The following AK5 variants were observed in gnomAD, a reference collection of about 807,000 sequenced individuals.
AK5 encodes adenylate kinase isoenzyme 5.
AK5 carries 27 observed loss-of-function variants against 69.5 expected under a neutral mutation model. The ratio of observed to expected loss-of-function variants is 0.39; its 90% confidence interval spans 0.29 to 0.54. The LOEUF (loss-of-function observed/expected upper bound fraction) is 0.54. Among genes scored for constraint, AK5 ranks in the 20% least tolerant of loss-of-function variants. The pLI is 0.71. For synonymous variants in AK5, 260 were observed against 244.4 expected (o/e 1.06, Z -0.60); for missense variants, 531 against 700.4 (o/e 0.76, Z 2.73).
In AK5 at chr1:77,499,161, A is replaced by G. The variant is rs116263628; in HGVS notation, c.1147+12809A>G. ...GTGACTATTTTGGCCCTCCAAATGT[A>G]ACACTCACAAAGTATTTCCTTTCCA... On this transcript the variant is annotated intron_variant, in intron 10 of 13. Coordinates refer to ENST00000354567, the MANE Select transcript of AK5 (RefSeq NM_174858.3). Among the ~76,000 whole-genome samples, 923 of 152,344 alleles carry G rather than the reference A, an allele frequency of 6.1e-3. 15 individuals are homozygous for G. The highest frequency in any genetic ancestry group is 0.021 in the African/African-American group (871 of 41,578).
Position 77,289,372 on chromosome 1 carries a change from G to A in AK5, c.247+2245G>A, listed in dbSNP as rs61784594. Among the ~76,000 whole-genome samples, 1,254 of 152,218 alleles carry A rather than the reference G, an allele frequency of 8.2e-3. 11 individuals are homozygous for A. The highest frequency in any genetic ancestry group is 0.014 in the Middle Eastern group (4 of 294). On this transcript the variant is annotated intron_variant, in intron 2 of 13. Coordinates refer to ENST00000354567, the MANE Select transcript of AK5 (RefSeq NM_174858.3). ...GTTCATACACATCCCCAGCATATGGGAAGCTTACTTCCCAGGGTGTCGTCA... is the reference window on the plus strand; with the variant it reads ...GTTCATACACATCCCCAGCATATGGAAAGCTTACTTCCCAGGGTGTCGTCA...
At chr1:77,391,447 G>A (rs6670567) in intron 6 of AK5, among the ~76,000 whole-genome samples, 11,217 of 93,470 alleles carry the variant, frequency 0.12, 686 homozygotes, top group East Asian at 0.31. Flanking sequence ...ATACATATAT[G>A]TGTGTGTATA....
At chr1:77,366,006 C>T (rs2100450425) in intron 6 of AK5, among the ~76,000 whole-genome samples, 1 of 152,216 alleles carries the variant, frequency 6.6e-6, no homozygotes, top group African/African-American at 2.4e-5. Context: ...CACTAAAGAA[C>T]TTATCCATGT....
At chr1:77,312,544 G>T (rs1660017156) in intron 5 of AK5, among the ~76,000 whole-genome samples, 1 of 151,306 alleles carries the variant, frequency 6.6e-6, no homozygotes. Flanking sequence ...GAAGCCAGGA[G>T]GCGGAGGTTG....
chr1:77,391,564 A>C (rs1464620740), intron 6 of AK5, among the ~76,000 whole-genome samples: 1 of 144,076 alleles, frequency 6.9e-6, no homozygotes, highest in Non-Finnish European at 1.5e-5. Context: ...TATCCATCCC[A>C]AGTGTTCAAT....
chr1:77,533,185 A>G lies in AK5; in HGVS notation c.1429-2662A>G, dbSNP rs574587645. ...GCTTGTCAGAGTAGCTTCTCAAACT[A>G]TGATGCTGTGAAGACTCACTTAGGG... On this transcript the variant is annotated intron_variant, in intron 12 of 13. Transcript: ENST00000354567. Among the ~76,000 whole-genome samples the G allele has an allele frequency of 7.0e-4, 106 of 152,154 alleles. 2 individuals carry two copies. The South Asian group carries it at 0.022, about 31-fold the overall frequency.
At chr1:77,435,751 G>GA (rs1651920716) in intron 8 of AK5, among the ~76,000 whole-genome samples, 1 of 151,774 alleles carries the variant, frequency 6.6e-6, no homozygotes, top group African/African-American at 2.4e-5. Flanking sequence ...AGTACTTCAA[G>GA]AAAACTCTGT....
chr1:77,329,116 C>T (rs918153140), intron 5 of AK5, among the ~76,000 whole-genome samples: 14 of 148,634 alleles, frequency 9.4e-5, no homozygotes, highest in Non-Finnish European at 3.0e-5. Flanking sequence ...CAAACAATAA[C>T]AGATGGAGCG....
In AK5 at chr1:77,368,245, A is replaced by ATATATATATATGTTATATATGT. The variant is rs376578923; in HGVS notation, c.891+27685_891+27686insTATGTTATATATGTTATATATA. Among the ~76,000 whole-genome samples, 9 of 67,906 alleles carry ATATATATATATGTTATATATGT rather than the reference A, an allele frequency of 1.3e-4. 1 individual carries two copies. The highest frequency in any genetic ancestry group is 1.7e-4 in the Non-Finnish European group (6 of 35,050). The allele number at this position is 67,906 out of a possible 152,430, so 44.5% of individuals were successfully genotyped here. On this transcript the variant is annotated intron_variant, in intron 6 of 13. Coordinates refer to ENST00000354567, the MANE Select transcript of AK5 (RefSeq NM_174858.3). The stretch of plus-strand genomic sequence containing the variant: ...TATATATATATATATATATATATAT[A>ATATATATATATGTTATATATGT]TATATATAATATATATGTTATATAT...
intron 8 of AK5, among the ~76,000 whole-genome samples, chr1:77,475,716 G>A (rs1346649089): frequency 1.3e-5 from 2 of 151,338 alleles, no homozygotes; most frequent in African/African-American, 4.9e-5. Flanking sequence ...AAACAAAGAG[G>A]TAAAGGTCAA....
chr1:77,306,609 T>A (rs1659659542), intron 5 of AK5, among the ~76,000 whole-genome samples: 1 of 151,886 alleles, frequency 6.6e-6, no homozygotes, highest in Non-Finnish European at 1.5e-5. Context: ...TAATACTGGC[T>A]TCATAAAATG....
intron 10 of AK5, among the ~76,000 whole-genome samples, chr1:77,488,729 C>G (rs1192529870): frequency 6.6e-6 from 1 of 152,098 alleles, no homozygotes; most frequent in Non-Finnish European, 1.5e-5. Context: ...CCAGTCTCTC[C>G]TTTTCACATG....
At position 77,391,414 on chromosome 1, in the gene AK5, T is replaced by C. The variant is rs574730825; in HGVS notation, c.892-19567T>C. 3.9e-3 allele frequency among the ~76,000 whole-genome samples: 509 copies of C among 129,052 alleles called. 1 individual carries two copies. Among genetic ancestry groups the C allele is most frequent in the East Asian group, 0.028 (128 of 4,546 alleles). The allele number at this position is 129,052 out of a possible 152,430, so 84.7% of individuals were successfully genotyped here. A position where few individuals can be genotyped will look rare whatever the true frequency, so the allele number is the denominator to read the frequency against. ...AAATATATATATATATACACACACA[T>C]ATATATGTATATATATACATATATA... On this transcript the variant is annotated intron_variant, in intron 6 of 13. Transcript: ENST00000354567.
chr1:77,382,902 T>C (rs1343896032), intron 6 of AK5, among the ~76,000 whole-genome samples: 2 of 152,328 alleles, frequency 1.3e-5, no homozygotes, highest in African/African-American at 4.8e-5. Flanking sequence ...GCCTAAATCC[T>C]GCCAAGTTGA....
intron 6 of AK5, among the ~76,000 whole-genome samples, chr1:77,409,822 G>A (rs1473993666): frequency 1.3e-5 from 2 of 152,086 alleles, no homozygotes; most frequent in Admixed American, 1.3e-4. Context: ...GCCCATTCCT[G>A]TGTCCAGGAT....
intron 10 of AK5, among the ~76,000 whole-genome samples, chr1:77,491,260 T>G (rs1456983737): frequency 6.6e-6 from 1 of 151,622 alleles, no homozygotes; most frequent in Admixed American, 6.6e-5. Context: ...TATAGCCATG[T>G]TGCCATTTCA....
chr1:77,295,654 C>G (rs1034908435), intron 3 of AK5, among the ~76,000 whole-genome samples: 2 of 138,766 alleles, frequency 1.4e-5, no homozygotes, highest in East Asian at 4.0e-4. Flanking sequence ...GAGATTTGTA[C>G]GTGGACAGAA....
intron 10 of AK5, among the ~76,000 whole-genome samples, chr1:77,494,172 C>A (rs909445987): frequency 6.6e-6 from 1 of 152,216 alleles, no homozygotes; most frequent in African/African-American, 2.4e-5. Context: ...TGTCCCTACC[C>A]ATTGGTTGAA....
intron 10 of AK5, among the ~76,000 whole-genome samples, chr1:77,491,452 G>A (rs1041762891): frequency 2.0e-5 from 3 of 151,824 alleles, no homozygotes; most frequent in East Asian, 1.9e-4. Context: ...GATTACAGGC[G>A]CCTGCCATGG....
Sources: gnomAD v4.1 joint callset for allele counts (sites outside exome capture counted in the v4.1 genomes callset) on GRCh38, gnomAD v4.1.1 for gene constraint, MANE v1.5 for transcripts, NCBI Gene and HGNC (gene_info 2026-07-23, HGNC 2026-07-21) for gene names.